The following SPECC1 variants were observed in gnomAD, a reference collection of about 807,000 sequenced individuals.
SPECC1 encodes the protein sperm antigen with calponin homology and coiled-coil domains 1.
In SPECC1, 62 loss-of-function variants were observed where a neutral mutation model predicts 104.1. That is an observed-to-expected ratio of 0.60 (90% CI 0.49 to 0.74). SPECC1 has a LOEUF of 0.74. Among genes scored for constraint, SPECC1 ranks in the 30% least tolerant of loss-of-function variants. The pLI is 0.00. For synonymous variants in SPECC1, 513 were observed against 501.6 expected, an observed-to-expected ratio of 1.02 and a Z score of -0.30; for missense variants, 1,306 against 1,310.5, an observed-to-expected ratio of 1.00 and a Z score of 0.05.
chr17:20,066,152 A>G (rs1479206424), intron 1 of SPECC1, among the ~76,000 whole-genome samples: 1 of 152,064 alleles, frequency 6.6e-6, no homozygotes, highest in Non-Finnish European at 1.5e-5. Context: ...TACCTTTTTT[A>G]CAAATGGGAG....
chr17:20,227,634 G>T lies in SPECC1; in HGVS notation c.2071+14G>T, dbSNP rs764776873. 4 of 1,609,614 alleles carry T rather than the reference G, an allele frequency of 2.5e-6. No individual in the cohort carries two copies. The highest frequency in any genetic ancestry group is 2.5e-6 in the Non-Finnish European group (3 of 1,178,316). On this transcript the variant is annotated intron_variant, in intron 5 of 14. Transcript: ENST00000395527. Reference sequence around the variant, plus strand: ...GTGAGCTAGAAAGTAAGTGGGGTCTGCCAGGCATGGTGGCTCACACCTATA... The same window carrying T: ...GTGAGCTAGAAAGTAAGTGGGGTCTTCCAGGCATGGTGGCTCACACCTATA...
chr17:20,311,028 C>T (rs115824335), intron 14 of SPECC1, among the ~76,000 whole-genome samples: 205 of 151,228 alleles, frequency 1.4e-3, no homozygotes, highest in African/African-American at 4.7e-3. Context: ...AGCTCCAGAG[C>T]GCATGCCGTC....
intron 3 of SPECC1, among the ~76,000 whole-genome samples, chr17:20,186,585 CAG>C (rs2035295075): frequency 6.6e-6 from 1 of 152,222 alleles, no homozygotes; most frequent in Admixed American, 6.5e-5. Flanking sequence ...GCTTATGAGA[CAG>C]GGTCTCACTC....
chr17:20,065,596 A>G (rs1216006351), intron 1 of SPECC1, among the ~76,000 whole-genome samples: 1 of 152,204 alleles, frequency 6.6e-6, no homozygotes, highest in East Asian at 1.9e-4. Context: ...AGCTGTCCAG[A>G]CGCTCTCTGA....
chr17:20,179,658 G>GA (rs1290312286), intron 3 of SPECC1, among the ~76,000 whole-genome samples: 1 of 152,194 alleles, frequency 6.6e-6, no homozygotes, highest in Non-Finnish European at 1.5e-5. Context: ...GGCAAAAGAA[G>GA]AATATTTTTA....
At chr17:20,158,298 A>G (rs1236368494) in intron 3 of SPECC1, among the ~76,000 whole-genome samples, 1 of 152,112 alleles carries the variant, frequency 6.6e-6, no homozygotes, top group African/African-American at 2.4e-5. Context: ...TGAGTGTCGC[A>G]TGGTTCCCGT....
intron 13 of SPECC1, among the ~76,000 whole-genome samples, chr17:20,304,033 AG>A (rs2041678977): frequency 7.0e-6 from 1 of 143,542 alleles, no homozygotes; most frequent in African/African-American, 2.6e-5. Context: ...GCACTTTGGG[AG>A]GCTGAGGTAG....
chr17:20,114,109 AAAT>A (rs1461897331), intron 3 of SPECC1, among the ~76,000 whole-genome samples: 1 of 152,208 alleles, frequency 6.6e-6, no homozygotes, highest in East Asian at 1.9e-4. Context: ...AAGAAAGTAA[AAAT>A]AAAGGCATTT....
At position 20,232,458 on chromosome 17, in the gene SPECC1, G is replaced by A; in HGVS notation, c.2351+53G>A. On this transcript the variant is annotated intron_variant, in intron 7 of 14. Transcript: ENST00000395527. ...CTTGCTTCTCAATCACTATGTATGGGGCTCCCTGGTGGGGATGGGACTCTT... is the reference window on the plus strand; with the variant it reads ...CTTGCTTCTCAATCACTATGTATGGAGCTCCCTGGTGGGGATGGGACTCTT... 3 of 1,542,524 alleles carry A rather than the reference G, an allele frequency of 1.9e-6. No individual in the cohort carries two copies. In the South Asian group the frequency reaches 3.6e-5, roughly 18 times the overall value.
At chr17:20,096,852 G>A in intron 2 of SPECC1, 54 bp downstream of exon 2, 12 of 1,566,490 alleles carry the variant, frequency 7.7e-6, no homozygotes, top group Middle Eastern at 1.7e-4. Context: ...CCTGGGTTGG[G>A]AGGATTGAAG....
chr17:20,046,640 A>C (rs1234115608), intron 1 of SPECC1, among the ~76,000 whole-genome samples: 1 of 152,164 alleles, frequency 6.6e-6, no homozygotes, highest in Non-Finnish European at 1.5e-5. Context: ...CATGGGGTCA[A>C]GGGGAGTATG....
intron 12 of SPECC1, among the ~76,000 whole-genome samples, chr17:20,280,201 G>C (rs1392658227): frequency 6.6e-6 from 1 of 152,208 alleles, no homozygotes; most frequent in Non-Finnish European, 1.5e-5. Flanking sequence ...TGTCGTCAGA[G>C]AACAAAGTAG....
At chr17:20,298,249 G>A (rs1367083177) in intron 13 of SPECC1, among the ~76,000 whole-genome samples, 1 of 152,196 alleles carries the variant, frequency 6.6e-6, no homozygotes, top group East Asian at 1.9e-4. Context: ...CTACTTGGGA[G>A]GCTGAGGCAG....
intron 4 of SPECC1, among the ~76,000 whole-genome samples, chr17:20,209,724 A>G (rs531206708): frequency 3.3e-5 from 5 of 152,276 alleles, no homozygotes; most frequent in Admixed American, 6.5e-5. Context: ...CACCACTCCT[A>G]TCCTTGCCCT....
intron 1 of SPECC1, among the ~76,000 whole-genome samples, chr17:20,054,988 C>T (rs1220350033): frequency 2.0e-5 from 3 of 152,184 alleles, no homozygotes; most frequent in African/African-American, 4.8e-5. Flanking sequence ...GTGTACAATA[C>T]ATTATTGTTG....
intron 3 of SPECC1, among the ~76,000 whole-genome samples, chr17:20,175,951 G>A (rs1488958430): frequency 6.6e-6 from 1 of 152,228 alleles, no homozygotes; most frequent in Middle Eastern, 3.2e-3. Context: ...GGCACATTGA[G>A]TAGAGAGTAT....
At chr17:20,093,787 G>A (rs1489992426) in intron 1 of SPECC1, among the ~76,000 whole-genome samples, 1 of 148,648 alleles carries the variant, frequency 6.7e-6, no homozygotes, top group Admixed American at 6.7e-5. Context: ...CTGGAGTGCA[G>A]TAGCTCAATC....
At chr17:20,235,187 G>A (rs1474973800) in intron 7 of SPECC1, among the ~76,000 whole-genome samples, 1 of 152,172 alleles carries the variant, frequency 6.6e-6, no homozygotes, top group Non-Finnish European at 1.5e-5. Flanking sequence ...TCCAGTGCCA[G>A]CCTTAGAGTT....
intron 3 of SPECC1, among the ~76,000 whole-genome samples, chr17:20,113,640 A>G (rs948136175): frequency 6.6e-6 from 1 of 152,232 alleles, no homozygotes; most frequent in African/African-American, 2.4e-5. Flanking sequence ...GTGGAAAGAA[A>G]GACATCGTTG....
Sources: gnomAD v4.1 joint callset for allele counts (sites outside exome capture counted in the v4.1 genomes callset) on GRCh38, gnomAD v4.1.1 for gene constraint, MANE v1.5 for transcripts, NCBI Gene and HGNC (gene_info 2026-07-23, HGNC 2026-07-21) for gene names.